The following PVT1 variants were observed in gnomAD, a reference collection of about 807,000 sequenced individuals.
The protein encoded by PVT1 is CXCR4/PVT1 fusion.
chr8:127,913,253 G>A (rs937285724), intron 3 of PVT1, among the ~76,000 whole-genome samples: 3 of 152,202 alleles, frequency 2.0e-5, no homozygotes, highest in Non-Finnish European at 4.4e-5. Flanking sequence ...TTTGGAGTGA[G>A]CGGTTTCCAC....
chr8:127,799,997 T>C (rs1034703229), intron 2 of PVT1, among the ~76,000 whole-genome samples: 2 of 152,182 alleles, frequency 1.3e-5, no homozygotes, highest in African/African-American at 4.8e-5. Context: ...ATCAAAGGGC[T>C]GTCCCTCGGA....
chr8:127,961,970 A>G (rs1816648157), intron 3 of PVT1, among the ~76,000 whole-genome samples: 1 of 152,200 alleles, frequency 6.6e-6, no homozygotes, highest in Non-Finnish European at 1.5e-5. Context: ...GAAGGAGATA[A>G]TGAATGTAGA....
chr8:127,893,001 T>C (rs1815630880), intron 3 of PVT1, among the ~76,000 whole-genome samples: 1 of 152,164 alleles, frequency 6.6e-6, no homozygotes, highest in African/African-American at 2.4e-5. Context: ...AGTTACTGCC[T>C]AGAACAACCC....
chr8:127,898,755 C>A lies in PVT1; in HGVS notation n.782+7757C>A, dbSNP rs1468866865. On this transcript the variant is annotated intron_variant and non_coding_transcript_variant, in intron 3 of 10. Coordinates refer to ENST00000651587, the Ensembl canonical transcript of PVT1. This position sits in a 1 kb window ranked among gnomAD's most constrained non-coding sequence, Gnocchi z 4.4. ...GCGTGGGGGCTTCTTCCCTCTCTCTCTGTCTTGTAGCCTTGTTAAAATAGT... is the reference window on the plus strand; with the variant it reads ...GCGTGGGGGCTTCTTCCCTCTCTCTATGTCTTGTAGCCTTGTTAAAATAGT... Among the ~76,000 whole-genome samples the A allele has an allele frequency of 6.6e-6, 1 of 152,216 alleles. No individual in the cohort carries two copies. Among genetic ancestry groups the A allele is most frequent in the Admixed American group, 6.5e-5 (1 of 15,278 alleles).
At chr8:127,807,841 C>T (rs1448667035) in intron 2 of PVT1, among the ~76,000 whole-genome samples, 2 of 151,396 alleles carry the variant, frequency 1.3e-5, no homozygotes, top group East Asian at 3.9e-4. Flanking sequence ...CATCTCGGCT[C>T]ACCGCAAGCT....
At chr8:127,871,253 G>T (rs1364121121) in intron 2 of PVT1, among the ~76,000 whole-genome samples, 3 of 152,216 alleles carry the variant, frequency 2.0e-5, no homozygotes, top group Non-Finnish European at 4.4e-5. Flanking sequence ...CCACATTTTG[G>T]CCTGGAGTTA....
intron 3 of PVT1, among the ~76,000 whole-genome samples, chr8:127,953,030 C>T (rs548238598): frequency 1.3e-5 from 2 of 152,270 alleles, no homozygotes; most frequent in African/African-American, 4.8e-5. Flanking sequence ...TCCGAAAGTG[C>T]TGGGATTACA....
At chr8:127,923,077 A>G (rs1816082305) in intron 3 of PVT1, among the ~76,000 whole-genome samples, 1 of 152,112 alleles carries the variant, frequency 6.6e-6, no homozygotes. Flanking sequence ...ATCTTATTTT[A>G]TCTCATTATA....
chr8:128,031,022 C>T (rs887985697), intron 4 of PVT1, among the ~76,000 whole-genome samples: 4 of 152,254 alleles, frequency 2.6e-5, no homozygotes, highest in Admixed American at 2.0e-4. Context: ...GTTCTCCCAA[C>T]CATCGTGTTG....
At chr8:127,869,471 C>T (rs1264472730) in intron 2 of PVT1, among the ~76,000 whole-genome samples, 1 of 152,124 alleles carries the variant, frequency 6.6e-6, no homozygotes, top group Non-Finnish European at 1.5e-5. Flanking sequence ...CTGATGCTTT[C>T]AAATATGTAT....
At chr8:127,919,310 A>G (rs1816028181) in intron 3 of PVT1, among the ~76,000 whole-genome samples, 1 of 152,154 alleles carries the variant, frequency 6.6e-6, no homozygotes, top group South Asian at 2.1e-4. Context: ...CTTGATGTCA[A>G]TTACTTCAAG....
chr8:127,956,204 C>T (rs1268128853), intron 3 of PVT1, among the ~76,000 whole-genome samples: 2 of 152,228 alleles, frequency 1.3e-5, no homozygotes, highest in Non-Finnish European at 2.9e-5. Context: ...CCAGGTTGAG[C>T]CTTAGTGCTT....
At chr8:127,865,963 T>C (rs776579354) in intron 2 of PVT1, among the ~76,000 whole-genome samples, 2 of 152,128 alleles carry the variant, frequency 1.3e-5, no homozygotes, top group Non-Finnish European at 2.9e-5. Context: ...CAGGGATGGC[T>C]TAAGTAGGCA....
chr8:127,896,646 G>A (rs532318632), intron 3 of PVT1, among the ~76,000 whole-genome samples: 207 of 150,816 alleles, frequency 1.4e-3, no homozygotes, highest in Non-Finnish European at 2.4e-3. Flanking sequence ...TTAAGTTCTG[G>A]GGTACATGTG....
chr8:127,906,556 G>A (rs1338169455), intron 3 of PVT1, among the ~76,000 whole-genome samples: 1 of 152,174 alleles, frequency 6.6e-6, no homozygotes, highest in Non-Finnish European at 1.5e-5. Context: ...TGGGTGAGAA[G>A]TTGCTTAAAG....
chr8:128,048,814 T>C (rs1586497440), intron 4 of PVT1, among the ~76,000 whole-genome samples: 1 of 152,212 alleles, frequency 6.6e-6, no homozygotes, highest in Admixed American at 6.5e-5. Context: ...AAAGCGCTTA[T>C]TGTGTCAGGA....
intron 4 of PVT1, among the ~76,000 whole-genome samples, chr8:128,026,141 C>T (rs2130062332): frequency 6.6e-6 from 1 of 152,212 alleles, no homozygotes; most frequent in Non-Finnish European, 1.5e-5. Context: ...TGAGGTTTCA[C>T]CATGTTGGCC....
intron 3 of PVT1, chr8:127,983,763 C>A (rs1816910395): frequency 6.6e-6 from 1 of 152,040 alleles, no homozygotes; most frequent in Admixed American, 6.5e-5. Context: ...TCAGGCCACA[C>A]ACAATTTGAT....
At position 127,956,904 on chromosome 8, in the gene PVT1, A is replaced by G. The variant is rs759358239; in HGVS notation, n.783-32258A>G. On this transcript the variant is annotated intron_variant and non_coding_transcript_variant, in intron 3 of 10. Coordinates refer to ENST00000651587, the Ensembl canonical transcript of PVT1. Reference sequence around the variant, plus strand: ...GTTCTTATTTTTTCATTTTTATTTTATCTTAAGAATGGCCTGTCATAGGCC... The same window carrying G: ...GTTCTTATTTTTTCATTTTTATTTTGTCTTAAGAATGGCCTGTCATAGGCC... Among the ~76,000 whole-genome samples the G allele has an allele frequency of 1.2e-3, 190 of 152,206 alleles. 4 individuals carry two copies. The highest frequency in any genetic ancestry group is 9.6e-4 in the Non-Finnish European group (65 of 68,008).
Sources: gnomAD v4.1 joint callset for allele counts (sites outside exome capture counted in the v4.1 genomes callset) on GRCh38, gnomAD v4.1.1 for gene constraint, Gnocchi (gnomAD v3.1) non-coding constraint, MANE v1.5 for transcripts, NCBI Gene and HGNC (gene_info 2026-07-23, HGNC 2026-07-21) for gene names.